The following EPHA6 variants were observed in gnomAD, a reference collection of about 807,000 sequenced individuals.
EPHA6 encodes the protein EPH receptor A6.
In EPHA6, 50 loss-of-function variants were observed where a neutral mutation model predicts 112.0. That is an observed-to-expected ratio of 0.45 (90% CI 0.36 to 0.56). The LOEUF (loss-of-function observed/expected upper bound fraction) is 0.56, where lower values mean the gene tolerates loss of function less well. Ranked by LOEUF, EPHA6 falls within the 20% of genes least tolerant of loss-of-function variation. EPHA6 has a pLI of 0.00. For synonymous variants in EPHA6, 529 were observed against 490.7 expected (o/e 1.08, Z -1.03); for missense variants, 1,280 against 1,417.4 (o/e 0.90, Z 1.56).
chr3:97,465,973 T>TC (rs925321431), intron 7 of EPHA6, among the ~76,000 whole-genome samples: 2 of 152,016 alleles, frequency 1.3e-5, no homozygotes, highest in African/African-American at 4.8e-5. Flanking sequence ...ATTTGTTTTT[T>TC]TTTCTTTTTT....
intron 7 of EPHA6, among the ~76,000 whole-genome samples, chr3:97,468,561 T>A (rs1046420076): frequency 1.1e-4 from 16 of 147,534 alleles, no homozygotes; most frequent in African/African-American, 1.5e-4. Context: ...AGTTGACTAT[T>A]TTTACTTTTT....
chr3:97,456,580 T>C (rs7642659), intron 7 of EPHA6, among the ~76,000 whole-genome samples: 22,754 of 152,110 alleles, frequency 0.15, 5,359 homozygotes, highest in African/African-American at 0.5. Flanking sequence ...ATTAGTCTAC[T>C]TATATATTTT....
At chr3:96,994,456 G>A (rs2043328644) in intron 3 of EPHA6, among the ~76,000 whole-genome samples, 1 of 151,758 alleles carries the variant, frequency 6.6e-6, no homozygotes, top group Non-Finnish European at 1.5e-5. Context: ...TACATCAAAT[G>A]GTCTTTCAGT....
intron 3 of EPHA6, among the ~76,000 whole-genome samples, chr3:97,039,373 A>T (rs1322396060): frequency 6.6e-6 from 1 of 152,122 alleles, no homozygotes; most frequent in Non-Finnish European, 1.5e-5. Context: ...GGTTCATCGG[A>T]ATTTCAATTT....
intron 13 of EPHA6, among the ~76,000 whole-genome samples, chr3:97,617,080 C>A (rs1248362338): frequency 2.0e-5 from 3 of 152,054 alleles, no homozygotes; most frequent in Non-Finnish European, 2.9e-5. Context: ...TAACAGAGAA[C>A]CTTTTAGCAG....
chr3:97,396,965 A>G (rs555788361), intron 5 of EPHA6, among the ~76,000 whole-genome samples: 10 of 151,890 alleles, frequency 6.6e-5, no homozygotes, highest in Non-Finnish European at 1.2e-4. Flanking sequence ...TTTTTGTTAC[A>G]TAGTGTTTGG....
intron 3 of EPHA6, among the ~76,000 whole-genome samples, chr3:97,178,080 A>G (rs2076887651): frequency 1.3e-5 from 2 of 151,976 alleles, no homozygotes; most frequent in Admixed American, 1.3e-4. Flanking sequence ...TTCTGGTGAT[A>G]TGACTTAGTT....
chr3:96,945,396 C>T (rs956743746), intron 2 of EPHA6, among the ~76,000 whole-genome samples: 1 of 152,142 alleles, frequency 6.6e-6, no homozygotes, highest in Non-Finnish European at 1.5e-5. Flanking sequence ...CAGGCAAATT[C>T]CATTATCAGC....
chr3:97,401,876 T>G (rs2087013136), intron 5 of EPHA6, among the ~76,000 whole-genome samples: 2 of 151,964 alleles, frequency 1.3e-5, no homozygotes, highest in African/African-American at 4.8e-5. Flanking sequence ...CTATTTTCAT[T>G]TGCTTCAAGA....
At chr3:97,591,361 A>T (rs2093542779) in intron 11 of EPHA6, among the ~76,000 whole-genome samples, 1 of 152,158 alleles carries the variant, frequency 6.6e-6, no homozygotes, top group African/African-American at 2.4e-5. Context: ...AGAAGCCTCA[A>T]ATTTTAACTT....
At chr3:97,242,589 C>T (rs1285541455) in intron 4 of EPHA6, among the ~76,000 whole-genome samples, 2 of 151,816 alleles carry the variant, frequency 1.3e-5, no homozygotes, top group Non-Finnish European at 2.9e-5. Flanking sequence ...GGAATAATGT[C>T]TACCATGTCT....
intron 3 of EPHA6, among the ~76,000 whole-genome samples, chr3:97,083,526 T>G (rs572887269): frequency 8.5e-5 from 13 of 152,086 alleles, no homozygotes; most frequent in African/African-American, 2.9e-4. Context: ...ATCCTGAGCT[T>G]CTTAGCTTTC....
chr3:96,825,610 T>A (rs2107243227), intron 1 of EPHA6, among the ~76,000 whole-genome samples: 1 of 151,996 alleles, frequency 6.6e-6, no homozygotes. Flanking sequence ...TCTTTAGAAA[T>A]TAGGTAAATT....
intron 3 of EPHA6, among the ~76,000 whole-genome samples, chr3:97,171,190 A>T (rs745575046): frequency 6.6e-6 from 1 of 152,200 alleles, no homozygotes; most frequent in Non-Finnish European, 1.5e-5. Context: ...GAGACAAACC[A>T]TGTTAAATCA....
At chr3:97,432,417 C>T (rs1284956777) in intron 6 of EPHA6, among the ~76,000 whole-genome samples, 2 of 152,066 alleles carry the variant, frequency 1.3e-5, no homozygotes, top group African/African-American at 2.4e-5. Context: ...CATTAACATT[C>T]GACTCATTAC....
At chr3:96,924,425 T>C (rs113665141) in intron 2 of EPHA6, among the ~76,000 whole-genome samples, 2,366 of 152,220 alleles carry the variant, frequency 0.016, 61 homozygotes, top group African/African-American at 0.048. Context: ...GGGAGTTCAT[T>C]CATGATTTGG....
chr3:96,818,446 G>A (rs1409478443), intron 1 of EPHA6, among the ~76,000 whole-genome samples: 1 of 151,864 alleles, frequency 6.6e-6, no homozygotes, highest in Admixed American at 6.6e-5. Context: ...TTTGTGAATC[G>A]ATTTTCCCCC....
At chr3:97,069,049 G>T (rs913967616) in intron 3 of EPHA6, among the ~76,000 whole-genome samples, 1 of 152,066 alleles carries the variant, frequency 6.6e-6, no homozygotes, top group Non-Finnish European at 1.5e-5. Flanking sequence ...ACCCTTGAAC[G>T]ACACTGGGGT....
chr3:97,698,703 A>T (rs1442403989), intron 14 of EPHA6, among the ~76,000 whole-genome samples: 1 of 152,218 alleles, frequency 6.6e-6, no homozygotes, highest in Non-Finnish European at 1.5e-5. Context: ...TAAATCTTGA[A>T]TATGGCAATT....
Sources: gnomAD v4.1 joint callset for allele counts (sites outside exome capture counted in the v4.1 genomes callset) on GRCh38, gnomAD v4.1.1 for gene constraint, MANE v1.5 for transcripts, NCBI Gene and HGNC (gene_info 2026-07-23, HGNC 2026-07-21) for gene names.